The following SIK3 variants were observed in gnomAD, a reference collection of about 807,000 sequenced individuals.
The protein encoded by SIK3 is SIK family kinase 3, also known as serine/threonine-protein kinase SIK3.
In SIK3, 28 loss-of-function variants were observed where a neutral mutation model predicts 144.2. The observed-to-expected ratio is 0.19, with a 90% CI of 0.14 to 0.27. SIK3 has a LOEUF of 0.27. Ranked by LOEUF, SIK3 falls within the 10% of genes least tolerant of loss-of-function variation. The probability of loss-of-function intolerance (pLI) is 1.00; values close to 1 mark genes in which losing one functional copy is unlikely to be tolerated. For missense variants in SIK3, 1,319 were observed against 1,776.0 expected (o/e 0.74, Z 4.62); for synonymous variants, 686 against 676.3 (o/e 1.01, Z -0.22).
At chr11:116,893,294 G>A (rs1945226515) in intron 6 of SIK3, among the ~76,000 whole-genome samples, 1 of 152,116 alleles carries the variant, frequency 6.6e-6, no homozygotes, top group Admixed American at 6.5e-5. Context: ...GGGGTCAGCA[G>A]GGGAGGGAGG....
chr11:116,921,970 C>T (rs1275583498), intron 4 of SIK3, among the ~76,000 whole-genome samples: 1 of 151,600 alleles, frequency 6.6e-6, no homozygotes, highest in Non-Finnish European at 1.5e-5. Context: ...TGAGGCTAGA[C>T]TCAAACTCCT....
chr11:117,098,397 T>TCGC lies in SIK3; in HGVS notation c.16_18dup (p.Ala6dup), dbSNP rs758486950. 1,456 of 1,148,538 alleles carry TCGC rather than the reference T, an allele frequency of 1.3e-3. 1 individual carries two copies. The highest frequency in any genetic ancestry group is 1.5e-3 in the Non-Finnish European group (1,376 of 937,676). The allele number at this position is 1,148,538 out of a possible 1,614,324, so 71.1% of individuals were successfully genotyped here. On this transcript the variant is annotated inframe_insertion, in exon 1 of 25. Transcript: ENST00000445177. Reference sequence around the variant, plus strand: ...GCCCCGGCAGCCCCGCCAGCTCCGCTCGCCGCCGCCGCCGCCATCTTGTTG... The same window carrying TCGC: ...GCCCCGGCAGCCCCGCCAGCTCCGCTCGCCGCCGCCGCCGCCGCCATCTTGTTG...
chr11:116,938,530 C>T (rs1453680395), intron 3 of SIK3, among the ~76,000 whole-genome samples: 2 of 41,010 alleles, frequency 4.9e-5, no homozygotes, highest in Non-Finnish European at 8.1e-5. Context: ...AAGAAGGGGA[C>T]GGGACGGAAG....
intron 12 of SIK3, 23 bp from the exon 13 acceptor site, chr11:116,873,659 G>T: frequency 6.5e-7 from 1 of 1,528,688 alleles, no homozygotes; most frequent in African/African-American, 1.4e-5. Context: ...GAGTGGGGAG[G>T]ACGGACCATG....
intron 3 of SIK3, among the ~76,000 whole-genome samples, chr11:116,929,734 C>A (rs1947492905): frequency 6.6e-6 from 1 of 152,198 alleles, no homozygotes; most frequent in Admixed American, 6.5e-5. Flanking sequence ...TAAACGTGTA[C>A]TCTGATTAAG....
intron 3 of SIK3, among the ~76,000 whole-genome samples, chr11:116,950,968 A>T (rs1041194629): frequency 6.6e-6 from 1 of 152,210 alleles, no homozygotes; most frequent in Non-Finnish European, 1.5e-5. Context: ...TTGTTTCAGC[A>T]AGCAAGGCAG....
intron 3 of SIK3, among the ~76,000 whole-genome samples, chr11:116,940,293 G>A (rs952866641): frequency 5.3e-5 from 8 of 150,240 alleles, no homozygotes; most frequent in Non-Finnish European, 8.9e-5. Context: ...GCAGTGGTGC[G>A]ATCTTGGCTC....
At chr11:117,032,902 T>G (rs1952324978) in intron 1 of SIK3, among the ~76,000 whole-genome samples, 1 of 152,182 alleles carries the variant, frequency 6.6e-6, no homozygotes, top group African/African-American at 2.4e-5. Context: ...TATCTTACCA[T>G]AAATATTAAT....
chr11:116,984,418 A>G (rs1472472659), intron 1 of SIK3, among the ~76,000 whole-genome samples: 4 of 152,306 alleles, frequency 2.6e-5, no homozygotes, highest in South Asian at 2.1e-4. Context: ...AAATTCCTCA[A>G]TGCAATTTAC....
Position 116,851,613 on chromosome 11 carries a change from T to C in SIK3, c.3656-2330A>G, listed in dbSNP as rs183550767. Among the ~76,000 whole-genome samples, 423 of 152,308 alleles carry C rather than the reference T, an allele frequency of 2.8e-3. 1 individual carries two copies. Among genetic ancestry groups the C allele is most frequent in the African/African-American group, 9.8e-3 (407 of 41,566 alleles). On this transcript the variant is annotated intron_variant, in intron 21 of 24. Transcript: ENST00000445177. ...AAAGATGATGGCAAGTGAGAAATCT[T>C]TTGAAAGTTCTCTGAGCAAAGAGGT... is the stretch of plus-strand genomic sequence containing the variant.
At chr11:117,095,351 C>G (rs2134104107) in intron 1 of SIK3, among the ~76,000 whole-genome samples, 2 of 151,990 alleles carry the variant, frequency 1.3e-5, no homozygotes, top group Middle Eastern at 6.8e-3. Context: ...CCATTTCCTA[C>G]AAGGGGAAAA....
rs1464854252 is a variant in SIK3, at chr11:116,927,368, G to C, written c.467C>G (p.Ala156Gly). The C allele has an allele frequency of 2.5e-6, 4 of 1,612,102 alleles. No individual in the cohort carries two copies. The highest frequency in any genetic ancestry group is 3.4e-6 in the Non-Finnish European group (4 of 1,179,108). Residue 156 changes from alanine (A) to glycine (G), a missense_variant, in exon 4 of 25, where the codon GCC becomes GGC. Transcript: ENST00000445177. The stretch of plus-strand genomic sequence containing the variant: ...CTCCTTTTCTGCCATTCTACCATGG[G>C]CCACCAGGTGGTCTGTGTTGAAGAA... ...SGGEIFDHLV[A>G]HGRMAEKEAR...
intron 1 of SIK3, among the ~76,000 whole-genome samples, chr11:117,022,238 A>T (rs1050033287): frequency 6.6e-6 from 1 of 151,966 alleles, no homozygotes; most frequent in African/African-American, 2.4e-5. Context: ...GGATATAGAG[A>T]TTTTCTCTAT....
intron 6 of SIK3, among the ~76,000 whole-genome samples, chr11:116,886,917 T>C (rs569374803): frequency 2.0e-5 from 3 of 152,346 alleles, no homozygotes; most frequent in Admixed American, 6.5e-5. Flanking sequence ...TTAATCCTTC[T>C]ATAATTTAGA....
chr11:116,857,310 T>G (rs574181649), intron 21 of SIK3: 1 of 161,846 alleles, frequency 6.2e-6, no homozygotes, highest in South Asian at 1.7e-4. Context: ...TCTCCACAGA[T>G]ACACCGTAAG....
In SIK3 at chr11:116,963,588, G is replaced by A. The variant is rs76146690; in HGVS notation, c.274-6524C>T. Reference sequence around the variant, plus strand: ...GTGGCATTTCTTTAAAAATGGTTTTGACCTAGGGGACCCACTGAAACAGTA... The same window carrying A: ...GTGGCATTTCTTTAAAAATGGTTTTAACCTAGGGGACCCACTGAAACAGTA... On this transcript the variant is annotated intron_variant, in intron 1 of 24. Transcript: ENST00000445177. 7.6e-3 allele frequency among the ~76,000 whole-genome samples: 1,162 copies of A among 152,238 alleles called. 14 individuals carry two copies. Among genetic ancestry groups the A allele is most frequent in the African/African-American group, 0.024 (997 of 41,542 alleles).
At chr11:116,967,755 T>C (rs145131312) in intron 1 of SIK3, among the ~76,000 whole-genome samples, 97 of 152,320 alleles carry the variant, frequency 6.4e-4, no homozygotes, top group African/African-American at 1.9e-3. Context: ...TGTGAAATCA[T>C]GCATTTCTTG....
rs542395358 is a variant in SIK3, at chr11:117,048,797, C to A, written c.273+49346G>T. Among the ~76,000 whole-genome samples the A allele has an allele frequency of 1.0e-3, 153 of 152,190 alleles. 1 individual carries two copies. Among genetic ancestry groups the A allele is most frequent in the African/African-American group, 3.7e-3 (152 of 41,530 alleles). ...TTGAATTTAAGAGTGTCAGAACCCA[C>A]GTCCTTTAAAATACTTCATGACTAG... is the stretch of plus-strand genomic sequence containing the variant. On this transcript the variant is annotated intron_variant, in intron 1 of 24. Coordinates refer to ENST00000445177, the MANE Select transcript of SIK3 (RefSeq NM_001366686.3).
chr11:117,033,744 AAAAAGAAAAGG>A (rs1483195007), intron 1 of SIK3, among the ~76,000 whole-genome samples: 5 of 151,590 alleles, frequency 3.3e-5, no homozygotes, highest in Non-Finnish European at 7.4e-5. Flanking sequence ...GAAAAGAAAA[AAAAAGAAAAGG>A]AAAAGAAAAG....
Sources: gnomAD v4.1 joint callset for allele counts (sites outside exome capture counted in the v4.1 genomes callset) on GRCh38, gnomAD v4.1.1 for gene constraint, MANE v1.5 for transcripts, NCBI Gene and HGNC (gene_info 2026-07-23, HGNC 2026-07-21) for gene names.